Variants in TGS1 observed in about 807,000 individuals in gnomAD.
The protein encoded by TGS1 is trimethylguanosine synthase 1, also known as trimethylguanosine synthase.
TGS1 carries 69 observed loss-of-function variants against 92.2 expected under a neutral mutation model. The observed-to-expected ratio is 0.75, with a 90% confidence interval of 0.62 to 0.91. TGS1 has a LOEUF of 0.91. Ranked by LOEUF, TGS1 falls within the 40% of genes least tolerant of loss-of-function variation. TGS1 has a pLI of 0.00. For synonymous variants in TGS1, 345 were observed against 338.1 expected, an observed-to-expected ratio of 1.02 and a Z score of -0.22; for missense variants, 1,062 against 1,001.2, an observed-to-expected ratio of 1.06 and a Z score of -0.82.
intron 2 of TGS1, among the ~76,000 whole-genome samples, chr8:55,785,345 C>T (rs967571149): frequency 6.6e-6 from 1 of 152,080 alleles, no homozygotes; most frequent in African/African-American, 2.4e-5. Context: ...TGTGAGCCAC[C>T]GTGCCCAGCA....
At chr8:55,808,183 A>G (rs968716511) in intron 10 of TGS1, among the ~76,000 whole-genome samples, 2 of 152,198 alleles carry the variant, frequency 1.3e-5, no homozygotes, top group Non-Finnish European at 2.9e-5. Context: ...CTAACTTTAC[A>G]TGGTCTCCTG....
In TGS1 at chr8:55,825,851, GT is replaced by G. The variant is rs1334519197; in HGVS notation, c.*1153del. On this transcript the variant is annotated 3_prime_UTR_variant, in exon 13 of 13. Transcript: ENST00000260129. ...TTCAAAATCTGTCCAAATGTTCTTGGTTTTTAAACTTTATGTAGCATTCTTT... is the reference window on the plus strand; with the variant it reads ...TTCAAAATCTGTCCAAATGTTCTTGGTTTTAAACTTTATGTAGCATTCTTT... Among the ~76,000 whole-genome samples the G allele has an allele frequency of 1.3e-4, 20 of 151,222 alleles. No homozygotes were observed. The highest frequency in any genetic ancestry group is 4.6e-4 in the African/African-American group (19 of 41,116).
At chr8:55,781,000 C>G (rs1811544529) in intron 1 of TGS1, among the ~76,000 whole-genome samples, 1 of 152,140 alleles carries the variant, frequency 6.6e-6, no homozygotes, top group Non-Finnish European at 1.5e-5. Flanking sequence ...CATGCTCCAA[C>G]CTGGAATTGT....
chr8:55,816,039 A>G (rs1427100391), intron 12 of TGS1, among the ~76,000 whole-genome samples: 1 of 152,000 alleles, frequency 6.6e-6, no homozygotes, highest in Non-Finnish European at 1.5e-5. Context: ...CTGCAACCTC[A>G]AATTCCTGGG....
At chr8:55,791,726 A>G (rs1345613163) in intron 5 of TGS1, among the ~76,000 whole-genome samples, 1 of 152,118 alleles carries the variant, frequency 6.6e-6, no homozygotes. Context: ...TTATGTCCCA[A>G]ACTGCAGTTC....
chr8:55,813,116 C>T lies in TGS1; in HGVS notation c.2437C>T (p.Gln813Ter). The change falls in exon 12 of 13, where the codon CAG (glutamine) becomes TAG (stop). Residue 813 changes from glutamine to a stop codon, truncating the protein, a stop_gained and splice_region_variant. Transcript: ENST00000260129. LOFTEE classifies it high-confidence loss of function. ...TCTTCCAAGAAATGCTGATATTGAC[C>T]AGGTAAGCCATTACTGAAAAACTTC... is the stretch of plus-strand genomic sequence containing the variant. ...YFLPRNADIDQVASLAGPGGQ... is the reference protein window; with the variant it reads ...YFLPRNADID 1 of 1,603,590 alleles carries T rather than the reference C, an allele frequency of 6.2e-7. No homozygotes were observed. The highest frequency in any genetic ancestry group is 8.5e-7 in the Non-Finnish European group (1 of 1,172,116).
rs1286262963 is a variant in TGS1 at position 55,825,884 on chromosome 8, T to C, written c.*1181T>C. ...ACTTTATGTAGCATTCTTTTTTTTTTTTTTAGACAGAGTCTTGCTCTGTCG... is the reference window on the plus strand; with the variant it reads ...ACTTTATGTAGCATTCTTTTTTTTTCTTTTAGACAGAGTCTTGCTCTGTCG... On this transcript the variant is annotated 3_prime_UTR_variant, in exon 13 of 13. Transcript: ENST00000260129. 3.4e-5 allele frequency among the ~76,000 whole-genome samples: 5 copies of C among 148,614 alleles called. No homozygotes were observed. Among genetic ancestry groups the C allele is most frequent in the African/African-American group, 4.9e-5 (2 of 40,868 alleles).
At chr8:55,822,561 T>TCCC (rs1554566551) in intron 12 of TGS1, among the ~76,000 whole-genome samples, 3,401 of 150,788 alleles carry the variant, frequency 0.023, 136 homozygotes, top group African/African-American at 0.08. Flanking sequence ...TTTTTTTTTT[T>TCCC]CCCCCTTTCT....
intron 5 of TGS1, among the ~76,000 whole-genome samples, chr8:55,791,837 G>A (rs527583252): frequency 2.6e-4 from 40 of 152,222 alleles, no homozygotes; most frequent in Admixed American, 8.5e-4. Context: ...AATTAAACAC[G>A]TAGAGAATAA....
At chr8:55,809,016 A>C (rs1027655271) in intron 10 of TGS1, among the ~76,000 whole-genome samples, 3 of 152,364 alleles carry the variant, frequency 2.0e-5, no homozygotes, top group African/African-American at 7.2e-5. Flanking sequence ...AATCAATTAC[A>C]CTTAACTGTT....
At chr8:55,779,875 CTT>C (rs71256566) in intron 1 of TGS1, among the ~76,000 whole-genome samples, 33 of 144,072 alleles carry the variant, frequency 2.3e-4, no homozygotes, top group African/African-American at 7.4e-4. Flanking sequence ...CTTTTTTTTC[CTT>C]TTTTTTTTTT....
intron 8 of TGS1, 83 bp downstream of exon 8, chr8:55,799,303 T>C: frequency 7.7e-7 from 1 of 1,295,490 alleles, no homozygotes; most frequent in African/African-American, 1.5e-5. Context: ...TTTTCACTTG[T>C]GAATCTTCTG....
intron 2 of TGS1, among the ~76,000 whole-genome samples, chr8:55,783,885 A>G (rs1404590165): frequency 6.6e-6 from 1 of 152,256 alleles, no homozygotes; most frequent in East Asian, 1.9e-4. Flanking sequence ...CTCGAGCATA[A>G]GAAAATATGC....
At chr8:55,811,276 A>G (rs534799460) in intron 11 of TGS1, among the ~76,000 whole-genome samples, 179 bp downstream of exon 11, 1 of 152,036 alleles carries the variant, frequency 6.6e-6, no homozygotes, top group South Asian at 2.1e-4. Flanking sequence ...CAGCCTGGCC[A>G]ACATGGTGAA....
At chr8:55,797,421 G>A (rs1429285645) in intron 7 of TGS1, among the ~76,000 whole-genome samples, 2 of 152,094 alleles carry the variant, frequency 1.3e-5, no homozygotes, top group African/African-American at 4.8e-5. Flanking sequence ...AGATTTGGGT[G>A]GGGACACAGC....
At chr8:55,796,963 G>A (rs749147767) in intron 7 of TGS1, among the ~76,000 whole-genome samples, 3 of 152,036 alleles carry the variant, frequency 2.0e-5, no homozygotes, top group Non-Finnish European at 4.4e-5. Context: ...TGCACTCTAG[G>A]CTGGGAGACA....
intron 12 of TGS1, among the ~76,000 whole-genome samples, chr8:55,818,980 T>C (rs1012543142): frequency 3.9e-5 from 6 of 152,182 alleles, no homozygotes; most frequent in African/African-American, 7.2e-5. Context: ...AGCCTCGCTC[T>C]GTCCACAAGG....
intron 12 of TGS1, among the ~76,000 whole-genome samples, chr8:55,823,782 G>A (rs1194744295): frequency 6.6e-6 from 1 of 152,058 alleles, no homozygotes; most frequent in Non-Finnish European, 1.5e-5. Flanking sequence ...AATAAACCTG[G>A]GGAGGAGGAG....
At chr8:55,814,383 GTTAAAAGAAGAGTAAATGAA>G (rs1803416288) in intron 12 of TGS1, among the ~76,000 whole-genome samples, 1 of 152,056 alleles carries the variant, frequency 6.6e-6, no homozygotes, top group Non-Finnish European at 1.5e-5. Flanking sequence ...GATTCTCTGG[GTTAAAAGAAGAGTAAATGAA>G]ATTAACAAGC....
Sources: allele counts gnomAD v4.1 joint callset (sites outside exome capture counted in the v4.1 genomes callset), GRCh38; gene constraint gnomAD v4.1.1; transcripts MANE v1.5; gene names NCBI Gene and HGNC (gene_info 2026-07-23, HGNC 2026-07-21).